Variants in DNAJC3 observed in about 807,000 individuals in gnomAD.
DNAJC3 encodes dnaJ homolog subfamily C member 3.
In DNAJC3, 38 loss-of-function variants were observed where a neutral mutation model predicts 68.6. The ratio of observed to expected loss-of-function variants is 0.55; its 90% confidence interval spans 0.43 to 0.73. The LOEUF (loss-of-function observed/expected upper bound fraction) is 0.73, where lower values mean the gene tolerates loss of function less well. Ranked by LOEUF, DNAJC3 falls within the 30% of genes least tolerant of loss-of-function variation. The pLI is 0.00. For synonymous variants in DNAJC3, 203 were observed against 204.0 expected (o/e 1.00, Z 0.04); for missense variants, 526 against 591.9 (o/e 0.89, Z 1.16).
At chr13:95,697,296 A>T (rs1270197511) in intron 1 of DNAJC3, among the ~76,000 whole-genome samples, 1 of 152,144 alleles carries the variant, frequency 6.6e-6, no homozygotes, top group Non-Finnish European at 1.5e-5. Context: ...GTTTGGTAGG[A>T]TATAAAATTC....
chr13:95,744,693 T>G (rs1566495986), intron 4 of DNAJC3: 2 of 152,174 alleles, frequency 1.3e-5, no homozygotes, highest in Non-Finnish European at 2.9e-5. Context: ...TGAGAAAAAT[T>G]TATTTAACAT....
chr13:95,742,634 G>A (rs1336216612), intron 4 of DNAJC3: 2 of 512,898 alleles, frequency 3.9e-6, no homozygotes, highest in South Asian at 1.4e-5. Context: ...TTCTTCTTAG[G>A]TGTTTCCTGT....
At chr13:95,759,684 T>C in intron 5 of DNAJC3, among the ~76,000 whole-genome samples, 1 of 152,216 alleles carries the variant, frequency 6.6e-6, no homozygotes, top group East Asian at 1.9e-4. Flanking sequence ...AACAGAATAT[T>C]CTCTTCAAAT....
At chr13:95,774,173 T>G (rs1197311052) in intron 9 of DNAJC3, among the ~76,000 whole-genome samples, 1 of 152,202 alleles carries the variant, frequency 6.6e-6, no homozygotes, top group African/African-American at 2.4e-5. Context: ...GAACAGTCAT[T>G]GATTTTAGGC....
intron 1 of DNAJC3, among the ~76,000 whole-genome samples, chr13:95,697,215 A>T (rs1012754489): frequency 1.3e-5 from 2 of 152,168 alleles, no homozygotes; most frequent in Non-Finnish European, 2.9e-5. Context: ...GGTCTAGTCT[A>T]GTGGTGATGA....
chr13:95,751,869 C>T (rs1882490189), intron 4 of DNAJC3, among the ~76,000 whole-genome samples: 1 of 152,162 alleles, frequency 6.6e-6, no homozygotes, highest in Admixed American at 6.5e-5. Context: ...TAAATGGCAG[C>T]AGTCAAGAGA....
chr13:95,775,010 A>G lies in DNAJC3; in HGVS notation c.1076-10929A>G, dbSNP rs542431554. 4.6e-5 allele frequency among the ~76,000 whole-genome samples: 7 copies of G among 151,944 alleles called. No homozygotes were observed. The East Asian group carries it at 1.4e-3, about 29-fold the overall frequency. ...TTGTATGTAGGTCTGCCATTTTACT[A>G]TTGTTTTCTTTTTGTCCTTTTGTTT... On this transcript the variant is annotated intron_variant, in intron 9 of 11. Coordinates refer to ENST00000602402, the MANE Select transcript of DNAJC3 (RefSeq NM_006260.5).
Position 95,790,980 on chromosome 13 carries a change from A to C in DNAJC3, c.1465A>C (p.Asn489His). ...AAGCTGGAACTCATGGCAAGGGTTC[A>C]ATCCCTTCAGCTCAGGCGGACCATT... ...HRSWNSWQGF[N>H]PFSSGGPFRF... The change falls in exon 12 of 12, where the codon AAT becomes CAT. Residue 489 changes from asparagine to histidine, a missense_variant. Physicochemically the swap from Asn to His is moderately conservative, Grantham distance 68. Transcript: ENST00000602402. 6.2e-7 allele frequency: 1 copy of C among 1,613,718 alleles called. No homozygotes were observed. The highest frequency in any genetic ancestry group is 2.2e-5 in the East Asian group (1 of 44,864).
chr13:95,776,519 C>T (rs1184304182), intron 9 of DNAJC3, among the ~76,000 whole-genome samples: 1 of 152,186 alleles, frequency 6.6e-6, no homozygotes, highest in African/African-American at 2.4e-5. Flanking sequence ...GTTAGTTTAG[C>T]ACATTTGCAT....
At chr13:95,738,912 C>G (rs1882024426) in intron 4 of DNAJC3, among the ~76,000 whole-genome samples, 1 of 151,742 alleles carries the variant, frequency 6.6e-6, no homozygotes, top group Non-Finnish European at 1.5e-5. Context: ...CAGTTTCTTC[C>G]TAGTCTCGAT....
chr13:95,761,591 C>A (rs891014379), intron 7 of DNAJC3, among the ~76,000 whole-genome samples: 6 of 152,152 alleles, frequency 3.9e-5, no homozygotes, highest in Admixed American at 6.5e-5. Flanking sequence ...AGTCAAGATA[C>A]AGAATAATTC....
intron 9 of DNAJC3, among the ~76,000 whole-genome samples, chr13:95,767,874 T>C (rs1353595767): frequency 6.6e-6 from 1 of 151,322 alleles, no homozygotes; most frequent in African/African-American, 2.4e-5. Flanking sequence ...CTTTTTTTTT[T>C]CCGTATTTTT....
intron 4 of DNAJC3, among the ~76,000 whole-genome samples, chr13:95,755,325 C>T (rs553640911): frequency 1.3e-5 from 2 of 152,198 alleles, no homozygotes; most frequent in East Asian, 3.9e-4. Context: ...GTGGCATGCA[C>T]CTGTAGTTGC....
intron 1 of DNAJC3, among the ~76,000 whole-genome samples, chr13:95,683,964 G>A (rs905240262): frequency 4.0e-5 from 6 of 150,750 alleles, no homozygotes; most frequent in Non-Finnish European, 8.9e-5. Context: ...ACCCAGTTCC[G>A]GGTATTTCTT....
chr13:95,726,419 T>C (rs1881524002), intron 4 of DNAJC3, among the ~76,000 whole-genome samples: 1 of 152,238 alleles, frequency 6.6e-6, no homozygotes, highest in African/African-American at 2.4e-5. Context: ...ATTTCTCTGA[T>C]GGCCAGTGAT....
At chr13:95,705,923 A>C (rs1593965014) in intron 1 of DNAJC3, among the ~76,000 whole-genome samples, 1 of 152,292 alleles carries the variant, frequency 6.6e-6, no homozygotes, top group South Asian at 2.1e-4. Flanking sequence ...TGTGTAGGTA[A>C]CACATGATAA....
chr13:95,768,046 C>G (rs1220526401), intron 9 of DNAJC3, among the ~76,000 whole-genome samples: 1 of 151,950 alleles, frequency 6.6e-6, no homozygotes, highest in African/African-American at 2.4e-5. Flanking sequence ...TAGTAGCCAT[C>G]TTAATGGGCT....
At chr13:95,756,948 C>A (rs1882681061) in intron 4 of DNAJC3, among the ~76,000 whole-genome samples, 1 of 152,142 alleles carries the variant, frequency 6.6e-6, no homozygotes, top group South Asian at 2.1e-4. Flanking sequence ...GTGGTGATGG[C>A]TGCACAACTT....
intron 9 of DNAJC3, among the ~76,000 whole-genome samples, chr13:95,773,556 G>A (rs1014865591): frequency 4.0e-5 from 6 of 151,850 alleles, no homozygotes; most frequent in African/African-American, 1.5e-4. Context: ...TTTAAGGAAT[G>A]TTTCTATTTC....
Sources: allele counts gnomAD v4.1 joint callset (sites outside exome capture counted in the v4.1 genomes callset), GRCh38; gene constraint gnomAD v4.1.1; transcripts MANE v1.5; gene names NCBI Gene and HGNC (gene_info 2026-07-23, HGNC 2026-07-21).